EIF5B: variants seen among roughly 807,000 people sequenced by gnomAD.
The protein encoded by EIF5B is eukaryotic translation initiation factor 5B.
Under a neutral mutation model 147.5 loss-of-function variants are expected in EIF5B, and 47 were observed. The ratio of observed to expected loss-of-function variants is 0.32; its 90% CI spans 0.25 to 0.41. EIF5B has a LOEUF of 0.41. EIF5B is among the 10% of genes least tolerant of loss of function. The pLI is 1.00. For missense variants in EIF5B, 1,064 were observed against 1,413.2 expected (o/e 0.75, Z 3.96); for synonymous variants, 455 against 456.2 (o/e 1.00, Z 0.03).
At chr2:99,396,655 A>C (rs1035057834) in intron 21 of EIF5B, 105 bp from the exon 22 acceptor site, 2 of 1,411,636 alleles carry the variant, frequency 1.4e-6, no homozygotes, top group African/African-American at 2.9e-5. Context: ...CCGCTGGGGA[A>C]AGCTGCTTTC....
At chr2:99,393,234 C>G (rs1674971997) in intron 18 of EIF5B, 136 bp downstream of exon 18, 1 of 658,192 alleles carries the variant, frequency 1.5e-6, no homozygotes, top group Non-Finnish European at 2.3e-6. Context: ...TCTTAGCAAA[C>G]TTGATGCTTT....
chr2:99,359,376 G>C (rs1218367413), intron 1 of EIF5B, among the ~76,000 whole-genome samples: 3 of 150,164 alleles, frequency 2.0e-5, no homozygotes, highest in South Asian at 2.1e-4. Flanking sequence ...CTCAAAAAAA[G>C]GAAAAAAAAA....
chr2:99,347,575 C>T (rs1400484793), intron 1 of EIF5B, among the ~76,000 whole-genome samples: 1 of 151,714 alleles, frequency 6.6e-6, no homozygotes, highest in Non-Finnish European at 1.5e-5. Flanking sequence ...GCTGCTTGTC[C>T]TATAACTATA....
At chr2:99,388,682 TTTG>T (rs1674859484) in intron 14 of EIF5B, among the ~76,000 whole-genome samples, 1 of 152,200 alleles carries the variant, frequency 6.6e-6, no homozygotes, top group Non-Finnish European at 1.5e-5. Flanking sequence ...TTGGTTGTCA[TTTG>T]TTATCCTTTT....
At chr2:99,381,921 T>A (rs1674697273) in intron 12 of EIF5B, among the ~76,000 whole-genome samples, 1 of 152,162 alleles carries the variant, frequency 6.6e-6, no homozygotes, top group South Asian at 2.1e-4. Flanking sequence ...CAGTCATAGT[T>A]GTAAGACCTT....
In EIF5B at chr2:99,368,517, C is replaced by A; in HGVS notation, c.1313C>A (p.Ser438Tyr). The A allele has an allele frequency of 6.2e-7, 1 of 1,613,338 alleles. No homozygotes were observed. Among genetic ancestry groups the A allele is most frequent in the Non-Finnish European group, 8.5e-7 (1 of 1,179,736 alleles). Residue 438 changes from serine to tyrosine, a missense_variant, in exon 7 of 24, where the codon TCT becomes TAT. Transcript: ENST00000289371. ...GGTGTTGAAGTGCCATCAAAAGACT[C>A]TTTGCCAAAGAAGAGGCCAATTTAT... is the stretch of plus-strand genomic sequence containing the variant. Reference protein sequence around the residue: ...AQGVEVPSKDSLPKKRPIYED... With the variant: ...AQGVEVPSKDYLPKKRPIYED...
chr2:99,360,160 A>G, intron 1 of EIF5B, 76 bp from the exon 2 acceptor site: 1 of 1,501,304 alleles, frequency 6.7e-7, no homozygotes. Flanking sequence ...AAAAAGGTTA[A>G]AATGATAAAA....
intron 7 of EIF5B, 126 bp from the exon 8 acceptor site, chr2:99,369,266 T>TC (rs1674391392): frequency 1.8e-6 from 1 of 559,224 alleles, no homozygotes; most frequent in Admixed American, 3.8e-5. Flanking sequence ...AGAGCGAGAC[T>TC]CCATTTCAAA....
intron 9 of EIF5B, among the ~76,000 whole-genome samples, chr2:99,371,985 T>C (rs1674460644): frequency 1.1e-5 from 1 of 90,942 alleles, no homozygotes; most frequent in African/African-American, 5.6e-5. Flanking sequence ...AGAGTGATGA[T>C]GTTACAAAAT....
At chr2:99,390,083 T>G in intron 15 of EIF5B, 136 bp from the exon 16 acceptor site, 1 of 1,128,772 alleles carries the variant, frequency 8.9e-7, no homozygotes, top group Non-Finnish European at 1.3e-6. Context: ...GCTTATAGGA[T>G]ATACATGATC....
At chr2:99,389,563 A>C in intron 14 of EIF5B, 155 bp from the exon 15 acceptor site, 1 of 532,712 alleles carries the variant, frequency 1.9e-6, no homozygotes, top group South Asian at 6.0e-5. Context: ...GCCGATAAGC[A>C]GTCTGAAAGG....
At chr2:99,365,841 T>TC (rs976647073) in intron 6 of EIF5B, among the ~76,000 whole-genome samples, 11 of 151,608 alleles carry the variant, frequency 7.3e-5, no homozygotes, top group African/African-American at 9.7e-5. Flanking sequence ...CATTCAAGGT[T>TC]CCCCCCCACC....
At chr2:99,347,659 T>C (rs983298254) in intron 1 of EIF5B, among the ~76,000 whole-genome samples, 4 of 152,318 alleles carry the variant, frequency 2.6e-5, no homozygotes, top group Non-Finnish European at 4.4e-5. Flanking sequence ...TCTTTTGAGT[T>C]CAGCATGCCT....
chr2:99,382,018 G>A (rs1160768024), intron 12 of EIF5B, 141 bp from the exon 13 acceptor site: 3 of 595,740 alleles, frequency 5.0e-6, no homozygotes, highest in Non-Finnish European at 5.9e-6. Flanking sequence ...TACTTTGCTG[G>A]TTAACTCACT....
intron 10 of EIF5B, among the ~76,000 whole-genome samples, chr2:99,377,681 T>C (rs769362234): frequency 6.6e-6 from 1 of 152,124 alleles, no homozygotes; most frequent in Non-Finnish European, 1.5e-5. Flanking sequence ...CCTAGATTAG[T>C]TAATGGTAGT....
In EIF5B at chr2:99,363,720, A is replaced by G; in HGVS notation, c.995A>G (p.Lys332Arg). The change falls in exon 5 of 24, where the codon AAG becomes AGG. Residue 332 changes from lysine (K) to arginine (R), a missense_variant. Physicochemically the swap from Lys to Arg is conservative, Grantham distance 26. Coordinates refer to ENST00000289371, the MANE Select transcript of EIF5B (RefSeq NM_015904.4). ...GAAAAGGAAGAAAAAGAGAAAGAGA[A>G]GAAAAAAGGACCTAGCAAAGCCACT... ...KGEKEEKEKE[K>R]KKGPSKATVK... is the part of the protein sequence containing the mutation. 6.2e-7 allele frequency: 1 copy of G among 1,605,792 alleles called. No homozygotes were observed. Among genetic ancestry groups the G allele is most frequent in the South Asian group, 1.1e-5 (1 of 88,132 alleles).
intron 1 of EIF5B, chr2:99,340,770 A>G (rs1201684482): frequency 1.3e-5 from 2 of 151,304 alleles, no homozygotes; most frequent in Non-Finnish European, 2.9e-5. Flanking sequence ...TTTGTGAAAA[A>G]TCTTCTTTTT....
intron 23 of EIF5B, 38 bp from the exon 24 acceptor site, chr2:99,399,269 A>T: frequency 6.3e-7 from 1 of 1,593,614 alleles, no homozygotes; most frequent in Non-Finnish European, 8.6e-7. Flanking sequence ...CACGTTTGTT[A>T]TGTTCTGTTT....
At chr2:99,363,946 C>T in intron 5 of EIF5B, 84 bp downstream of exon 5, 1 of 1,397,828 alleles carries the variant, frequency 7.2e-7, no homozygotes, top group Non-Finnish European at 9.7e-7. Flanking sequence ...TCTTCTAATT[C>T]TGAAAATTTC....
Sources: allele counts gnomAD v4.1 joint callset (sites outside exome capture counted in the v4.1 genomes callset), GRCh38; gene constraint gnomAD v4.1.1; transcripts MANE v1.5; gene names NCBI Gene and HGNC (gene_info 2026-07-23, HGNC 2026-07-21).